PUS10: variants seen among roughly 807,000 people sequenced by gnomAD.
The protein encoded by PUS10 is pseudouridine synthase 10.
Under a neutral mutation model 75.0 loss-of-function variants are expected in PUS10, and 59 were observed. The ratio of observed to expected loss-of-function variants is 0.79; its 90% CI spans 0.64 to 0.98. The LOEUF (loss-of-function observed/expected upper bound fraction) is 0.98, where lower values mean the gene tolerates loss of function less well. PUS10 is among the 50% of genes least tolerant of loss of function. PUS10 has a pLI of 0.00. For missense variants in PUS10, 650 were observed against 614.4 expected, an observed-to-expected ratio of 1.06 and a Z score of -0.61; for synonymous variants, 219 against 211.6, an observed-to-expected ratio of 1.03 and a Z score of -0.30.
At chr2:60,954,860 A>G (rs1558878096) in intron 12 of PUS10, among the ~76,000 whole-genome samples, 158 bp downstream of exon 12, 1 of 152,224 alleles carries the variant, frequency 6.6e-6, no homozygotes, top group Non-Finnish European at 1.5e-5. Flanking sequence ...CATATAATTC[A>G]TAAAGGGGCC....
intron 15 of PUS10, among the ~76,000 whole-genome samples, chr2:60,950,031 G>A (rs1202823161): frequency 6.6e-6 from 1 of 152,158 alleles, no homozygotes; most frequent in Non-Finnish European, 1.5e-5. Flanking sequence ...CATGTGAAAG[G>A]CATAAAGAAA....
intron 1 of PUS10, among the ~76,000 whole-genome samples, chr2:61,016,158 T>C (rs1412638844): frequency 6.6e-6 from 1 of 152,200 alleles, no homozygotes; most frequent in Non-Finnish European, 1.5e-5. Context: ...AAATGACACA[T>C]TACAATCTCC....
chr2:60,955,267 A>G (rs1278688577), intron 11 of PUS10, among the ~76,000 whole-genome samples, 193 bp from the exon 12 acceptor site: 1 of 152,140 alleles, frequency 6.6e-6, no homozygotes, highest in Non-Finnish European at 1.5e-5. Context: ...CCATTTATTG[A>G]GAACTTATTA....
At chr2:60,966,980 G>A (rs1676376420) in intron 6 of PUS10, 1 of 152,498 alleles carries the variant, frequency 6.6e-6, no homozygotes, top group Non-Finnish European at 1.5e-5. Flanking sequence ...ACTGAGGTAA[G>A]GTCTGCTCTG....
intron 4 of PUS10, among the ~76,000 whole-genome samples, chr2:61,005,144 C>T (rs1396266500): frequency 6.6e-6 from 1 of 152,090 alleles, no homozygotes; most frequent in African/African-American, 2.4e-5. Flanking sequence ...GCCTGTAAGC[C>T]CAGCTACTTG....
chr2:61,010,785 T>G, intron 2 of PUS10: 1 of 1,550,178 alleles, frequency 6.5e-7, no homozygotes, highest in Non-Finnish European at 8.7e-7. Context: ...TTCCAAATCC[T>G]AGGTTTTGAA....
intron 4 of PUS10, among the ~76,000 whole-genome samples, chr2:60,991,917 C>CAGTTG (rs1321630047): frequency 6.6e-6 from 1 of 152,126 alleles, no homozygotes; most frequent in Non-Finnish European, 1.5e-5. Context: ...GGGACACCTC[C>CAGTTG]CTGGGGCCAG....
chr2:60,999,178 A>G (rs1678680575), intron 4 of PUS10, among the ~76,000 whole-genome samples: 1 of 152,208 alleles, frequency 6.6e-6, no homozygotes, highest in Admixed American at 6.5e-5. Flanking sequence ...ACTGAAAAGC[A>G]TTTAGCTTTT....
rs934657212 is a variant in PUS10 at position 60,972,464 on chromosome 2, C to A, written c.469-907G>T. ...CAGCCTGGGCGACAGAGCGAGACAC[C>A]GTTTCAAGAAAAAAAAAAGAAAAAA... On this transcript the variant is annotated intron_variant, in intron 4 of 17. Coordinates refer to ENST00000316752, the MANE Select transcript of PUS10 (RefSeq NM_144709.4). 7.9e-5 allele frequency among the ~76,000 whole-genome samples: 12 copies of A among 151,162 alleles called. No individual in the cohort carries two copies. The South Asian group carries it at 8.4e-4, about 11-fold the overall frequency.
chr2:60,978,421 TAAAAAAAAAAA>T (rs71398605), intron 4 of PUS10, among the ~76,000 whole-genome samples: 1 of 99,406 alleles, frequency 1.0e-5, no homozygotes, highest in South Asian at 3.3e-4. Flanking sequence ...GACTCCATCT[TAAAAAAAAAAA>T]AAAAAAAAAA....
intron 4 of PUS10, among the ~76,000 whole-genome samples, chr2:60,988,590 C>T (rs138792746): frequency 0.025 from 3,861 of 152,018 alleles, 144 homozygotes; most frequent in African/African-American, 0.088. Context: ...ACAAATATAA[C>T]TGGCCTTCTT....
At position 60,992,419 on chromosome 2, in the gene PUS10, A is replaced by C. The variant is rs548645433; in HGVS notation, c.468+14138T>G. On this transcript the variant is annotated intron_variant, in intron 4 of 17. Coordinates refer to ENST00000316752, the MANE Select transcript of PUS10 (RefSeq NM_144709.4). ...TTTACTCAATAGGGCATGAGTGCAC[A>C]TGCCCACTCCACAACAGGTCATGAA... Among the ~76,000 whole-genome samples, 454 of 152,326 alleles carry C rather than the reference A, an allele frequency of 3.0e-3. 3 individuals carry two copies. The highest frequency in any genetic ancestry group is 4.0e-3 in the Non-Finnish European group (273 of 68,022).
At position 60,947,975 on chromosome 2, in the gene PUS10, T is replaced by C. The variant is rs867835711; in HGVS notation, c.1451+68A>G. On this transcript the variant is annotated intron_variant, in intron 16 of 17. Coordinates refer to ENST00000316752, the MANE Select transcript of PUS10 (RefSeq NM_144709.4). Reference sequence around the variant, plus strand: ...CCCAGACCAAGCTGACCCTGTTTTCTAGGGGACCATGAACTTTTCCAATAG... The same window carrying C: ...CCCAGACCAAGCTGACCCTGTTTTCCAGGGGACCATGAACTTTTCCAATAG... 19 of 1,566,900 alleles carry C rather than the reference T, an allele frequency of 1.2e-5. No individual in the cohort carries two copies. In the Middle Eastern group the frequency reaches 1.1e-3, roughly 90 times the overall value.
intron 4 of PUS10, among the ~76,000 whole-genome samples, chr2:60,995,095 A>C (rs926304484): frequency 3.3e-5 from 5 of 152,248 alleles, no homozygotes; most frequent in African/African-American, 1.2e-4. Context: ...GTCTCAAAAA[A>C]AAAGCGTAAA....
chr2:61,011,906 C>A lies in PUS10; in HGVS notation c.-15-1G>T. The A allele has an allele frequency of 1.9e-6, 3 of 1,588,586 alleles. No individual in the cohort carries two copies. Among genetic ancestry groups the A allele is most frequent in the Non-Finnish European group, 2.6e-6 (3 of 1,172,418 alleles). ...GTGGGAACATATTGAATAATTATAA[C>A]TAGAAAGAAAAGAAGTAAAACTAAT... On this transcript the variant is annotated splice_acceptor_variant, in intron 1 of 17. Coordinates refer to ENST00000316752, the MANE Select transcript of PUS10 (RefSeq NM_144709.4). LOFTEE classifies it low-confidence loss of function (5UTR_SPLICE).
intron 4 of PUS10, among the ~76,000 whole-genome samples, chr2:60,971,865 C>CT (rs756222357): frequency 0.04 from 3,960 of 99,390 alleles, 136 homozygotes; most frequent in African/African-American, 0.088. Context: ...TCTTTCTTCT[C>CT]TTTTTTTTTT....
At chr2:60,992,837 T>C (rs1209715333) in intron 4 of PUS10, among the ~76,000 whole-genome samples, 1 of 152,178 alleles carries the variant, frequency 6.6e-6, no homozygotes, top group Non-Finnish European at 1.5e-5. Flanking sequence ...AAACTTAGAT[T>C]CCACCAGAAA....
intron 4 of PUS10, among the ~76,000 whole-genome samples, 174 bp downstream of exon 4, chr2:61,006,383 T>C (rs1328681157): frequency 1.3e-5 from 2 of 152,248 alleles, no homozygotes; most frequent in Non-Finnish European, 2.9e-5. Flanking sequence ...ATTCCTTTTG[T>C]CATTCACTCA....
At chr2:60,960,590 A>G in intron 10 of PUS10, 73 bp from the exon 11 acceptor site, 1 of 1,392,192 alleles carries the variant, frequency 7.2e-7, no homozygotes, top group Middle Eastern at 1.8e-4. Flanking sequence ...GAGAAGCAAC[A>G]ACTATAAGGG....
Sources: allele counts gnomAD v4.1 joint callset (sites outside exome capture counted in the v4.1 genomes callset), GRCh38; gene constraint gnomAD v4.1.1; transcripts MANE v1.5; gene names NCBI Gene and HGNC (gene_info 2026-07-23, HGNC 2026-07-21).